Variants in ROBO2 observed in about 807,000 individuals in gnomAD.
ROBO2 encodes the protein roundabout guidance receptor 2, also known as roundabout homolog 2.
ROBO2 carries 53 observed loss-of-function variants against 160.8 expected under a neutral mutation model. That is an observed-to-expected ratio of 0.33 (90% CI 0.26 to 0.41). The LOEUF is 0.41. Ranked by LOEUF, ROBO2 falls within the 10% of genes least tolerant of loss-of-function variation. The pLI, the probability that ROBO2 is intolerant of heterozygous loss-of-function variation, is 1.00. For synonymous variants in ROBO2, 664 were observed against 611.7 expected (o/e 1.09, Z -1.26); for missense variants, 1,577 against 1,722.4 (o/e 0.92, Z 1.49).
At chr3:77,231,117 C>A (rs2087124761) in intron 2 of ROBO2, among the ~76,000 whole-genome samples, 1 of 152,006 alleles carries the variant, frequency 6.6e-6, no homozygotes, top group South Asian at 2.1e-4. Flanking sequence ...GTAATTCCAG[C>A]ACTTTGGGAG....
chr3:77,599,017 A>G (rs961635369), intron 19 of ROBO2, among the ~76,000 whole-genome samples: 1 of 152,146 alleles, frequency 6.6e-6, no homozygotes, highest in Non-Finnish European at 1.5e-5. Context: ...AAATTTAACA[A>G]AAGGGTACAC....
intron 2 of ROBO2, among the ~76,000 whole-genome samples, chr3:76,517,792 C>T (rs1209253410): frequency 1.3e-5 from 2 of 152,232 alleles, no homozygotes; most frequent in East Asian, 3.9e-4. Context: ...CTTATATACA[C>T]TCCTGTCCAA....
intron 21 of ROBO2, among the ~76,000 whole-genome samples, chr3:77,609,793 T>C (rs7619191): frequency 2.6e-5 from 1 of 38,220 alleles, no homozygotes; most frequent in Admixed American, 3.0e-4. Flanking sequence ...TATATATACA[T>C]ATATATATAT....
At chr3:76,449,943 A>G (rs1409085165) in intron 2 of ROBO2, among the ~76,000 whole-genome samples, 3 of 152,196 alleles carry the variant, frequency 2.0e-5, no homozygotes, top group African/African-American at 7.2e-5. Context: ...TGGAATAAAG[A>G]AGCAATAAAC....
At chr3:77,609,315 G>T (rs1448906478) in intron 21 of ROBO2, among the ~76,000 whole-genome samples, 1 of 151,988 alleles carries the variant, frequency 6.6e-6, no homozygotes, top group Non-Finnish European at 1.5e-5. Context: ...TTATATTAAT[G>T]TTATAAATGT....
At chr3:76,328,908 T>TTTTATATATATA in intron 2 of ROBO2, among the ~76,000 whole-genome samples, 1 of 136,024 alleles carries the variant, frequency 7.4e-6, no homozygotes, top group South Asian at 2.2e-4. Context: ...ATTTATGTTA[T>TTTTATATATATA]TATATATATA....
intron 2 of ROBO2, among the ~76,000 whole-genome samples, chr3:77,433,533 A>C (rs757979972): frequency 9.1e-6 from 1 of 109,774 alleles, no homozygotes; most frequent in African/African-American, 3.2e-5. Flanking sequence ...TCCTTCATCT[A>C]ATCTTTAAAC....
chr3:77,428,337 A>ATTTTTTTTTTTTTTTTT (rs1491236295), intron 2 of ROBO2, among the ~76,000 whole-genome samples: 3 of 128,222 alleles, frequency 2.3e-5, no homozygotes, highest in African/African-American at 6.1e-5. Context: ...AACTTAGGTA[A>ATTTTTTTTTTTTTTTTT]TATTTTTTTT....
chr3:77,374,169 C>CAAAAAAAAAAAAAA (rs60357417), intron 2 of ROBO2, among the ~76,000 whole-genome samples: 1 of 40,106 alleles, frequency 2.5e-5, no homozygotes, highest in African/African-American at 1.5e-4. Flanking sequence ...GAGACTCCAT[C>CAAAAAAAAAAAAAA]AAAAAAAAAA....
At chr3:76,111,996 A>G (rs1053395022) in intron 2 of ROBO2, among the ~76,000 whole-genome samples, 2 of 152,092 alleles carry the variant, frequency 1.3e-5, no homozygotes, top group African/African-American at 2.4e-5. Context: ...TCATTTTGGA[A>G]GAGTAGACTC....
intron 1 of ROBO2, among the ~76,000 whole-genome samples, chr3:77,075,617 A>AT (rs557247607): frequency 6.6e-4 from 91 of 137,382 alleles, no homozygotes; most frequent in African/African-American, 1.2e-3. Flanking sequence ...AAAATATGCT[A>AT]TTTTTTTATA....
At chr3:76,452,677 T>A (rs1417398225) in intron 2 of ROBO2, among the ~76,000 whole-genome samples, 2 of 152,214 alleles carry the variant, frequency 1.3e-5, no homozygotes, top group African/African-American at 4.8e-5. Flanking sequence ...TATAATCCTT[T>A]GGGTATATAC....
At chr3:76,678,976 C>G (rs1444267644) in intron 2 of ROBO2, among the ~76,000 whole-genome samples, 3 of 152,106 alleles carry the variant, frequency 2.0e-5, no homozygotes, top group African/African-American at 4.8e-5. Flanking sequence ...TAGGCTAGCT[C>G]TAGTCACATG....
intron 2 of ROBO2, among the ~76,000 whole-genome samples, chr3:77,350,988 T>C (rs2068267848): frequency 6.6e-6 from 1 of 152,254 alleles, no homozygotes; most frequent in Non-Finnish European, 1.5e-5. Flanking sequence ...TATGCATTTC[T>C]ATATGTGTCA....
intron 2 of ROBO2, among the ~76,000 whole-genome samples, chr3:77,338,294 C>A (rs1203997750): frequency 6.6e-6 from 1 of 152,080 alleles, no homozygotes; most frequent in Non-Finnish European, 1.5e-5. Context: ...ATCAAGGGCA[C>A]TTTGTTTTTT....
At chr3:76,108,083 C>T (rs993407351) in intron 2 of ROBO2, among the ~76,000 whole-genome samples, 2 of 152,114 alleles carry the variant, frequency 1.3e-5, no homozygotes, top group East Asian at 1.9e-4. Context: ...GCTCTATCTA[C>T]GTGTGTAATA....
chr3:77,055,445 T>C (rs12714456), intron 1 of ROBO2, among the ~76,000 whole-genome samples: 2 of 152,108 alleles, frequency 1.3e-5, no homozygotes, highest in South Asian at 4.1e-4. Context: ...ACAAAATCTC[T>C]TGAGGAGTTT....
rs1397164145 is a variant in ROBO2 at position 77,294,238 on chromosome 3, C to T, written c.389-183176C>T. 1.4e-5 allele frequency among the ~76,000 whole-genome samples: 2 copies of T among 138,972 alleles called. 1 individual carries two copies. Among genetic ancestry groups the T allele is most frequent in the Non-Finnish European group, 3.1e-5 (2 of 65,496 alleles). The allele number at this position is 138,972 out of a possible 152,430, so 91.2% of individuals were successfully genotyped here. The stretch of plus-strand genomic sequence containing the variant: ...TAAGCTGAGACTAGATCACCCCGGA[C>T]ATAAAGTAAAATTGATGGTTAAACG... On this transcript the variant is annotated intron_variant, in intron 2 of 25. Transcript: ENST00000461745.
chr3:76,772,915 TTC>T (rs1323028633), intron 2 of ROBO2, among the ~76,000 whole-genome samples: 10 of 151,192 alleles, frequency 6.6e-5, no homozygotes, highest in African/African-American at 9.7e-5. Flanking sequence ...TGTGTGCACT[TTC>T]TGTTTCATCA....
Sources: allele counts gnomAD v4.1 joint callset (sites outside exome capture counted in the v4.1 genomes callset), GRCh38; gene constraint gnomAD v4.1.1; transcripts MANE v1.5; gene names NCBI Gene and HGNC (gene_info 2026-07-23, HGNC 2026-07-21).